KDM3B: variants seen among roughly 807,000 people sequenced by gnomAD.
KDM3B encodes the protein lysine demethylase 3B.
Under a neutral mutation model 170.0 loss-of-function variants are expected in KDM3B, and 10 were observed. The observed-to-expected ratio is 0.06, with a 90% CI of 0.04 to 0.10. The LOEUF (loss-of-function observed/expected upper bound fraction) is 0.10, where lower values mean the gene tolerates loss of function less well. KDM3B is among the 10% of genes least tolerant of loss of function. KDM3B has a pLI of 1.00. For synonymous variants in KDM3B, 831 were observed against 834.8 expected, an observed-to-expected ratio of 1.00 and a Z score of 0.08; for missense variants, 1,394 against 2,195.2, an observed-to-expected ratio of 0.64 and a Z score of 7.29.
intron 9 of KDM3B, among the ~76,000 whole-genome samples, chr5:138,397,252 A>C (rs1224547617): frequency 6.6e-6 from 1 of 151,894 alleles, no homozygotes; most frequent in Non-Finnish European, 1.5e-5. Flanking sequence ...GGAGAATGGC[A>C]TGAACCCCGG....
rs199794541 is a variant in KDM3B, at chr5:138,431,334, A to G, written c.5071-91A>G. The G allele has an allele frequency of 5.5e-5, 60 of 1,081,912 alleles. No individual in the cohort carries two copies. The East Asian group carries it at 1.6e-3, about 29-fold the overall frequency. 67.0% of individuals were successfully genotyped at this position (1,081,912 alleles called of 1,614,324 possible). ...AATGGAAATATTATACCTATTTCTC[A>G]AGGGTTTTTTTAACTATATCATGGA... On this transcript the variant is annotated intron_variant, in intron 22 of 23. Transcript: ENST00000314358.
intron 14 of KDM3B, among the ~76,000 whole-genome samples, chr5:138,420,501 G>A (rs1763244062): frequency 6.6e-6 from 1 of 152,196 alleles, no homozygotes; most frequent in African/African-American, 2.4e-5. Flanking sequence ...TGGTAAAGAA[G>A]TAGTAGGAGA....
chr5:138,391,706 C>T lies in KDM3B; in HGVS notation c.2074C>T (p.Leu692Phe). ...GGCATCTTTAGCAAAGAAGAAACCC[C>T]TCTTCATTACAACTGACTCCTCCAA... Reference protein sequence around the residue: ...DSASLAKKKPLFITTDSSKLV... With the variant: ...DSASLAKKKPFFITTDSSKLV... The change falls in exon 8 of 24, where the codon CTC (leucine) becomes TTC (phenylalanine). Residue 692 changes from leucine to phenylalanine, a missense_variant. Leu to Phe is a conservative substitution (Grantham distance 22). This residue lies in a region of KDM3B where 294 missense variants were observed against 311.7 expected (regional missense o/e 0.94). Transcript: ENST00000314358. The surrounding 1 kb of genome is among the most constrained non-coding windows in gnomAD (Gnocchi z 5.0). 2 of 1,614,070 alleles carry T rather than the reference C, an allele frequency of 1.2e-6. No individual in the cohort carries two copies. Among genetic ancestry groups the T allele is most frequent in the East Asian group, 2.2e-5 (1 of 44,866 alleles).
chr5:138,373,525 G>A (rs1761924721), intron 2 of KDM3B, among the ~76,000 whole-genome samples: 1 of 151,712 alleles, frequency 6.6e-6, no homozygotes, highest in Non-Finnish European at 1.5e-5. Flanking sequence ...GGAATGCAGT[G>A]GTGCAATCAG....
At chr5:138,420,366 C>T (rs1763241088) in intron 14 of KDM3B, among the ~76,000 whole-genome samples, 1 of 152,190 alleles carries the variant, frequency 6.6e-6, no homozygotes, top group Non-Finnish European at 1.5e-5. Context: ...TAAAGATCTC[C>T]ATTTTTAACA....
rs759481646 is a variant in KDM3B at position 138,386,410 on chromosome 5, G to A, written c.1169G>A (p.Gly390Asp). Residue 390 changes from glycine (G) to aspartate (D), a missense_variant, in exon 7 of 24, where the codon GGT becomes GAT. Gly to Asp is a moderately conservative substitution (Grantham distance 94). Around this residue, in one of 19 missense-constraint regions of KDM3B, gnomAD observed 205 missense variants for 227.6 expected, o/e 0.90. Coordinates refer to ENST00000314358, the MANE Select transcript of KDM3B (RefSeq NM_016604.4). ...TTCACTCCATATTCTACAGCCACAG[G>A]TCAGACACCTTTGGCCCCAGAGGTG... ...ASFTPYSTAT[G>D]QTPLAPEVGG... 6.2e-7 allele frequency: 1 copy of A among 1,614,204 alleles called. No homozygotes were observed. Among genetic ancestry groups the A allele is most frequent in the South Asian group, 1.1e-5 (1 of 91,084 alleles).
Position 138,430,230 on chromosome 5 carries a change from G to C in KDM3B, c.4894-19G>C. On this transcript the variant is annotated intron_variant, in intron 21 of 23. Coordinates refer to ENST00000314358, the MANE Select transcript of KDM3B (RefSeq NM_016604.4). ...ATGATTTTTAATTTTCCCATCTTTG[G>C]ATTTGATTATGGCTTCAGGTTGGAG... 8 of 1,605,526 alleles carry C rather than the reference G, an allele frequency of 5.0e-6. No individual in the cohort carries two copies. The highest frequency in any genetic ancestry group is 6.8e-6 in the Non-Finnish European group (8 of 1,173,940).
chr5:138,371,619 AC>A (rs1327213191), intron 1 of KDM3B, among the ~76,000 whole-genome samples: 10 of 152,278 alleles, frequency 6.6e-5, no homozygotes, highest in Admixed American at 3.9e-4. Flanking sequence ...TGTTGTGACT[AC>A]AGCAAGTGTC....
At chr5:138,362,141 A>G (rs763708379) in intron 1 of KDM3B, among the ~76,000 whole-genome samples, 5 of 152,022 alleles carry the variant, frequency 3.3e-5, no homozygotes, top group Non-Finnish European at 5.9e-5. Flanking sequence ...CCGACATGAC[A>G]AAACCCTGTC....
At chr5:138,372,588 C>G in intron 1 of KDM3B, 86 bp from the exon 2 acceptor site, 1 of 1,161,156 alleles carries the variant, frequency 8.6e-7, no homozygotes, top group Non-Finnish European at 1.2e-6. Context: ...GTCAGTTGTT[C>G]AAAACAGTGG....
At chr5:138,428,713 G>A (rs1763456875) in intron 20 of KDM3B, among the ~76,000 whole-genome samples, 1 of 152,126 alleles carries the variant, frequency 6.6e-6, no homozygotes, top group Non-Finnish European at 1.5e-5. Flanking sequence ...AATGAAGAAA[G>A]GGCAGAGTTC....
chr5:138,419,305 C>G (rs1763191915), intron 14 of KDM3B, 73 bp downstream of exon 14: 2 of 1,465,542 alleles, frequency 1.4e-6, no homozygotes, highest in African/African-American at 1.4e-5. Flanking sequence ...TTTGAACTCA[C>G]ACATTACCAT....
chr5:138,362,875 T>C (rs1761650489), intron 1 of KDM3B, among the ~76,000 whole-genome samples: 1 of 149,838 alleles, frequency 6.7e-6, no homozygotes, highest in South Asian at 2.1e-4. Flanking sequence ...CCTAATGCTA[T>C]CCCTCCCCTC....
intron 9 of KDM3B, among the ~76,000 whole-genome samples, chr5:138,396,237 A>T (rs1379250186): frequency 6.6e-6 from 1 of 152,056 alleles, no homozygotes; most frequent in Admixed American, 6.6e-5. Flanking sequence ...CTGGGACTAC[A>T]GGTGCCCGCC....
intron 1 of KDM3B, among the ~76,000 whole-genome samples, chr5:138,365,944 G>C (rs1029999122): frequency 6.6e-6 from 1 of 152,120 alleles, no homozygotes. Flanking sequence ...ATTGCAGTGA[G>C]CCTAGATCGC....
At chr5:138,389,414 A>G (rs1396011592) in intron 7 of KDM3B, among the ~76,000 whole-genome samples, 2 of 152,302 alleles carry the variant, frequency 1.3e-5, no homozygotes, top group East Asian at 1.9e-4. Flanking sequence ...ATAAGAGAAT[A>G]GCCCTTTTGT....
intron 1 of KDM3B, among the ~76,000 whole-genome samples, chr5:138,358,878 G>A (rs934559836): frequency 2.6e-5 from 4 of 151,422 alleles, no homozygotes. Context: ...GTGCCATGCT[G>A]GTGTGCTGCA....
intron 11 of KDM3B, among the ~76,000 whole-genome samples, chr5:138,410,392 A>G (rs1301623151): frequency 2.0e-5 from 3 of 152,186 alleles, no homozygotes; most frequent in Non-Finnish European, 4.4e-5. Flanking sequence ...ACCCACACAT[A>G]CATAATCAAT....
At chr5:138,398,041 A>G in intron 9 of KDM3B, 137 bp from the exon 10 acceptor site, 6 of 634,964 alleles carry the variant, frequency 9.4e-6, no homozygotes, top group Non-Finnish European at 1.1e-5. Flanking sequence ...GAGAATGCAT[A>G]CTGTTTTGGT....
Sources: gnomAD v4.1 joint callset for allele counts (sites outside exome capture counted in the v4.1 genomes callset) on GRCh38, gnomAD v4.1.1 for gene constraint, gnomAD v4.1.1 regional missense constraint, Gnocchi (gnomAD v3.1) non-coding constraint, MANE v1.5 for transcripts, NCBI Gene and HGNC (gene_info 2026-07-23, HGNC 2026-07-21) for gene names.